MTUS2: variants seen among roughly 807,000 people sequenced by gnomAD.
MTUS2 encodes microtubule associated scaffold protein 2, also known as microtubule-associated tumor suppressor candidate 2.
Under a neutral mutation model 114.1 loss-of-function variants are expected in MTUS2, and 40 were observed. That is an observed-to-expected ratio of 0.35 (90% CI 0.27 to 0.46). The LOEUF is 0.46. Among genes scored for constraint, MTUS2 ranks in the 20% least tolerant of loss-of-function variants. The probability of loss-of-function intolerance (pLI) is 1.00; values close to 1 mark genes in which losing one functional copy is unlikely to be tolerated. For synonymous variants in MTUS2, 688 were observed against 672.0 expected (o/e 1.02, Z -0.37); for missense variants, 1,679 against 1,705.4 (o/e 0.98, Z 0.27).
intron 6 of MTUS2, among the ~76,000 whole-genome samples, chr13:29,310,167 C>A (rs1418676918): frequency 6.6e-6 from 1 of 152,208 alleles, no homozygotes; most frequent in East Asian, 1.9e-4. Context: ...ATCCACAGTC[C>A]CATTTTATTC....
At chr13:28,901,304 T>G (rs1417792996) in intron 2 of MTUS2, among the ~76,000 whole-genome samples, 1 of 152,228 alleles carries the variant, frequency 6.6e-6, no homozygotes, top group Admixed American at 6.5e-5. Context: ...TTTCTCCCAA[T>G]GCGTAGCTTC....
intron 4 of MTUS2, among the ~76,000 whole-genome samples, chr13:29,081,115 G>A (rs1229855544): frequency 6.6e-6 from 1 of 152,192 alleles, no homozygotes; most frequent in Non-Finnish European, 1.5e-5. Flanking sequence ...TCTTGAGAGA[G>A]CACTGAAAGG....
At chr13:29,219,427 A>G (rs1895817089) in intron 5 of MTUS2, among the ~76,000 whole-genome samples, 1 of 151,710 alleles carries the variant, frequency 6.6e-6, no homozygotes, top group African/African-American at 2.4e-5. Flanking sequence ...ATGCCGCAAT[A>G]AACATACGTG....
chr13:29,030,920 C>T (rs1048740331), intron 3 of MTUS2, among the ~76,000 whole-genome samples: 4 of 152,100 alleles, frequency 2.6e-5, no homozygotes, highest in Non-Finnish European at 5.9e-5. Flanking sequence ...TTAAAACTTC[C>T]AGAAGTGGCT....
chr13:29,411,572 T>C (rs906492431), intron 8 of MTUS2, among the ~76,000 whole-genome samples: 1 of 152,228 alleles, frequency 6.6e-6, no homozygotes, highest in Non-Finnish European at 1.5e-5. Context: ...TTTTGCCAAA[T>C]GAACTTTAGT....
chr13:28,997,390 T>TA (rs1427886017), intron 2 of MTUS2, among the ~76,000 whole-genome samples: 1 of 152,204 alleles, frequency 6.6e-6, no homozygotes, highest in South Asian at 2.1e-4. Context: ...GAGAGTTCTG[T>TA]AGATGTCTAT....
intron 5 of MTUS2, among the ~76,000 whole-genome samples, chr13:29,156,083 A>G (rs914364954): frequency 6.6e-6 from 1 of 152,122 alleles, no homozygotes; most frequent in African/African-American, 2.4e-5. Flanking sequence ...TAAAGCATTA[A>G]TGACTTCATT....
chr13:29,348,206 T>A (rs1355860976), intron 7 of MTUS2, among the ~76,000 whole-genome samples: 1 of 152,150 alleles, frequency 6.6e-6, no homozygotes, highest in East Asian at 1.9e-4. Context: ...ATCCTGAAAC[T>A]ATCCAGGAGC....
rs549570831 is a variant in MTUS2, at chr13:29,408,257, G to A, written c.3118-31726G>A. Among the ~76,000 whole-genome samples, 13 of 151,862 alleles carry A rather than the reference G, an allele frequency of 8.6e-5. No homozygotes were observed. In the Middle Eastern group the frequency reaches 0.01, roughly 119 times the overall value. ...ATTAAAAAAAAACCCTCCCTAAACA[G>A]GGCATAATGATATTTTGTTATAATC... On this transcript the variant is annotated intron_variant, in intron 8 of 15. Coordinates refer to ENST00000612955, the MANE Select transcript of MTUS2 (RefSeq NM_001033602.4).
At chr13:29,326,539 A>G (rs1284143242) in intron 7 of MTUS2, among the ~76,000 whole-genome samples, 1 of 152,172 alleles carries the variant, frequency 6.6e-6, no homozygotes, top group South Asian at 2.1e-4. Context: ...AAAAAATTCA[A>G]TCAATATAAA....
At chr13:28,992,840 G>A (rs1884923240) in intron 2 of MTUS2, among the ~76,000 whole-genome samples, 1 of 152,150 alleles carries the variant, frequency 6.6e-6, no homozygotes, top group Admixed American at 6.6e-5. Context: ...GTCTCCAGAA[G>A]TCTTTCATCT....
At chr13:29,084,783 C>CCT (rs1555234172) in intron 4 of MTUS2, among the ~76,000 whole-genome samples, 2 of 118,190 alleles carry the variant, frequency 1.7e-5, no homozygotes, top group Non-Finnish European at 3.9e-5. Context: ...GGTGATCCAC[C>CCT]CCCCCCCCTC....
rs141270147 is a variant in MTUS2 at position 29,156,413 on chromosome 13, C to T, written c.2644+55443C>T. On this transcript the variant is annotated intron_variant, in intron 5 of 15. Transcript: ENST00000612955. ...GTTTTCCAGCCTGCCAAGTGAAAAT[C>T]GTGCCCATAGTTGACAAAAGGCTCC... Among the ~76,000 whole-genome samples, 8 of 152,150 alleles carry T rather than the reference C, an allele frequency of 5.3e-5. No homozygotes were observed. In the South Asian group the frequency reaches 1.0e-3, roughly 20 times the overall value.
At chr13:29,074,066 G>A (rs1889071139) in intron 4 of MTUS2, among the ~76,000 whole-genome samples, 1 of 151,988 alleles carries the variant, frequency 6.6e-6, no homozygotes, top group Non-Finnish European at 1.5e-5. Flanking sequence ...CCTGTCTTCA[G>A]CCTTGCCCCT....
chr13:28,902,573 A>T (rs1879708291), intron 2 of MTUS2, among the ~76,000 whole-genome samples: 1 of 152,132 alleles, frequency 6.6e-6, no homozygotes, highest in Non-Finnish European at 1.5e-5. Flanking sequence ...AAAAAATTTT[A>T]ACATTAATTG....
At chr13:29,061,846 G>A (rs1476645057) in intron 4 of MTUS2, among the ~76,000 whole-genome samples, 1 of 152,130 alleles carries the variant, frequency 6.6e-6, no homozygotes, top group Non-Finnish European at 1.5e-5. Flanking sequence ...AATTCTTCAT[G>A]TGTGAACTTT....
intron 11 of MTUS2, among the ~76,000 whole-genome samples, chr13:29,488,504 G>A (rs1400043769): frequency 1.2e-4 from 17 of 142,034 alleles, no homozygotes; most frequent in South Asian, 4.4e-4. Context: ...GCAGTGGTGC[G>A]ATCTCAGCTC....
At chr13:29,449,041 A>G (rs1423014810) in intron 9 of MTUS2, among the ~76,000 whole-genome samples, 1 of 152,138 alleles carries the variant, frequency 6.6e-6, no homozygotes, top group Non-Finnish European at 1.5e-5. Context: ...GGCATGAGCC[A>G]CTGTACCTGG....
intron 5 of MTUS2, among the ~76,000 whole-genome samples, chr13:29,168,993 T>C (rs1893441880): frequency 6.6e-6 from 1 of 151,836 alleles, no homozygotes; most frequent in Non-Finnish European, 1.5e-5. Flanking sequence ...CACAGCTGAA[T>C]CAGATGTTTG....
Sources: gnomAD v4.1 joint callset for allele counts (sites outside exome capture counted in the v4.1 genomes callset) on GRCh38, gnomAD v4.1.1 for gene constraint, MANE v1.5 for transcripts, NCBI Gene and HGNC (gene_info 2026-07-23, HGNC 2026-07-21) for gene names.